AOPEP: variants seen among roughly 807,000 people sequenced by gnomAD.
AOPEP encodes the protein aminopeptidase O.
Under a neutral mutation model 98.1 loss-of-function variants are expected in AOPEP, and 77 were observed. The ratio of observed to expected loss-of-function variants is 0.78; its 90% CI spans 0.65 to 0.95. The LOEUF (loss-of-function observed/expected upper bound fraction) is 0.95. AOPEP is among the 40% of genes least tolerant of loss of function. AOPEP has a pLI of 0.00. For missense variants in AOPEP, 1,024 were observed against 1,024.7 expected, an observed-to-expected ratio of 1.00 and a Z score of 0.01; for synonymous variants, 346 against 365.3, an observed-to-expected ratio of 0.95 and a Z score of 0.60.
chr9:94,805,045 A>G (rs356131), intron 5 of AOPEP, among the ~76,000 whole-genome samples: 101,169 of 152,080 alleles, frequency 0.67, 34,623 homozygotes, highest in African/African-American at 0.83. Context: ...TGAGGTCTTA[A>G]AATGGCTTTC....
chr9:94,863,877 C>T (rs2045403640), intron 5 of AOPEP, among the ~76,000 whole-genome samples: 1 of 152,164 alleles, frequency 6.6e-6, no homozygotes, highest in African/African-American at 2.4e-5. Context: ...GGAGCTTTCC[C>T]AGAAGCTGCT....
intron 5 of AOPEP, among the ~76,000 whole-genome samples, chr9:94,869,060 C>T (rs541712427): frequency 3.8e-4 from 58 of 151,990 alleles, no homozygotes; most frequent in Non-Finnish European, 6.8e-4. Flanking sequence ...GAAACCCCTT[C>T]TCTACTAAAA....
At chr9:95,012,988 G>GGT (rs71366271) in intron 13 of AOPEP, among the ~76,000 whole-genome samples, 1 of 28,208 alleles carries the variant, frequency 3.5e-5, no homozygotes, top group South Asian at 1.8e-3. Flanking sequence ...TTTTTTTTTT[G>GGT]GGGGGGGGGG....
intron 5 of AOPEP, among the ~76,000 whole-genome samples, chr9:94,861,897 A>G (rs1046729509): frequency 2.4e-4 from 37 of 152,186 alleles, no homozygotes; most frequent in African/African-American, 8.9e-4. Flanking sequence ...TACGTCTTTC[A>G]TGAGGCTAGA....
chr9:94,935,818 T>A (rs1338987405), intron 7 of AOPEP, among the ~76,000 whole-genome samples: 1 of 152,146 alleles, frequency 6.6e-6, no homozygotes, highest in Non-Finnish European at 1.5e-5. Flanking sequence ...TAACTCCCCG[T>A]TGACATCTCT....
intron 5 of AOPEP, among the ~76,000 whole-genome samples, chr9:94,906,455 AAATAAT>A (rs5741511): frequency 1.0e-4 from 12 of 114,344 alleles, no homozygotes; most frequent in South Asian, 2.9e-4. Flanking sequence ...ACCCTGTCTG[AAATAAT>A]AATAATAATA....
intron 1 of AOPEP, among the ~76,000 whole-genome samples, chr9:94,742,792 A>C (rs1477466637): frequency 6.6e-6 from 1 of 152,138 alleles, no homozygotes; most frequent in African/African-American, 2.4e-5. Flanking sequence ...AATCTAATAC[A>C]AATTTGGGGC....
intron 1 of AOPEP, among the ~76,000 whole-genome samples, chr9:94,755,829 C>T (rs889442679): frequency 6.6e-6 from 1 of 152,206 alleles, no homozygotes; most frequent in Non-Finnish European, 1.5e-5. Flanking sequence ...TACTTTGCCT[C>T]TCTGGGACCC....
intron 15 of AOPEP, 91 bp downstream of exon 15, chr9:95,080,871 C>G: frequency 1.1e-6 from 1 of 890,824 alleles, no homozygotes; most frequent in African/African-American, 1.6e-5. Context: ...TCTTTCATAA[C>G]AAATAATTAA....
chr9:94,901,093 A>G (rs1251244576), intron 5 of AOPEP, among the ~76,000 whole-genome samples: 1 of 6,898 alleles, frequency 1.4e-4, no homozygotes, highest in African/African-American at 1.6e-4. Context: ...AATATGAAAC[A>G]TCATTTCAGT....
chr9:94,760,632 C>T (rs761340510), intron 2 of AOPEP, 52 bp downstream of exon 2: 10 of 1,413,096 alleles, frequency 7.1e-6, no homozygotes, highest in Admixed American at 4.8e-5. Flanking sequence ...TTGTACGCTG[C>T]GGGGATGCTT....
At chr9:95,064,988 G>T (rs1278853265) in intron 14 of AOPEP, among the ~76,000 whole-genome samples, 2 of 152,198 alleles carry the variant, frequency 1.3e-5, no homozygotes, top group Non-Finnish European at 2.9e-5. Flanking sequence ...TTCGTCTTCT[G>T]CTTTGGAGGG....
chr9:94,926,298 G>A lies in AOPEP; in HGVS notation c.1554+2123G>A, dbSNP rs1371368592. 5.9e-5 allele frequency among the ~76,000 whole-genome samples: 9 copies of A among 152,290 alleles called. No homozygotes were observed. In the East Asian group the frequency reaches 1.5e-3, roughly 26 times the overall value. On this transcript the variant is annotated intron_variant, in intron 6 of 16. Transcript: ENST00000375315. ...ATTGTCAGAATTCCGAGGTAGGAGA[G>A]GACAGGTCTGGGCGGGCCTGGAAAG...
chr9:94,794,010 G>A (rs921153770), intron 4 of AOPEP, among the ~76,000 whole-genome samples: 15 of 152,152 alleles, frequency 9.9e-5, no homozygotes, highest in Admixed American at 6.5e-4. Context: ...GCTAGTCGCC[G>A]CTTTAGGAGC....
chr9:94,805,147 C>T (rs1848972598), intron 5 of AOPEP, among the ~76,000 whole-genome samples: 3 of 151,908 alleles, frequency 2.0e-5, no homozygotes, highest in Non-Finnish European at 4.4e-5. Context: ...TCTAGGCAGA[C>T]GGGTTATGGG....
intron 14 of AOPEP, among the ~76,000 whole-genome samples, chr9:95,065,007 T>C (rs1455274556): frequency 6.6e-6 from 1 of 152,220 alleles, no homozygotes; most frequent in East Asian, 1.9e-4. Flanking sequence ...GGCTTGGAGA[T>C]GTGAAATGTT....
intron 4 of AOPEP, among the ~76,000 whole-genome samples, chr9:94,793,558 TC>T (rs1019832699): frequency 2.6e-5 from 4 of 151,244 alleles, no homozygotes; most frequent in African/African-American, 9.7e-5. Context: ...ATGCCTGTAA[TC>T]CCAGCTACTT....
At chr9:94,992,303 C>T (rs1208212358) in intron 11 of AOPEP, among the ~76,000 whole-genome samples, 2 of 152,214 alleles carry the variant, frequency 1.3e-5, no homozygotes, top group African/African-American at 4.8e-5. Flanking sequence ...GAGTCTGTTG[C>T]AATCATTCAG....
chr9:95,058,676 G>A (rs1803994642), intron 13 of AOPEP, among the ~76,000 whole-genome samples: 1 of 152,190 alleles, frequency 6.6e-6, no homozygotes, highest in Admixed American at 6.5e-5. Flanking sequence ...TACCCCTCGT[G>A]GAGCTGCTGT....
Sources: allele counts gnomAD v4.1 joint callset (sites outside exome capture counted in the v4.1 genomes callset), GRCh38; gene constraint gnomAD v4.1.1; transcripts MANE v1.5; gene names NCBI Gene and HGNC (gene_info 2026-07-23, HGNC 2026-07-21).